Variants in PLPP1 observed in about 807,000 individuals in gnomAD.
The protein encoded by PLPP1 is phospholipid phosphatase 1.
A neutral mutation model predicts 31.2 loss-of-function variants in PLPP1; 24 were observed. The observed-to-expected ratio is 0.77, with a 90% confidence interval of 0.56 to 1.08. The LOEUF is 1.08. Ranked by LOEUF, PLPP1 falls within the 50% of genes least tolerant of loss-of-function variation. The pLI, the probability that PLPP1 is intolerant of heterozygous loss-of-function variation, is 0.00. For synonymous variants in PLPP1, 146 were observed against 126.3 expected (o/e 1.16, Z -1.05); for missense variants, 319 against 342.7 (o/e 0.93, Z 0.55).
chr5:55,438,515 C>T (rs1053380553), intron 4 of PLPP1, among the ~76,000 whole-genome samples: 1 of 152,172 alleles, frequency 6.6e-6, no homozygotes, highest in Non-Finnish European at 1.5e-5. Context: ...TACGTCTCTA[C>T]CCAAATCTGA....
At chr5:55,456,992 T>C (rs1158480093) in intron 3 of PLPP1, among the ~76,000 whole-genome samples, 1 of 151,914 alleles carries the variant, frequency 6.6e-6, no homozygotes, top group Non-Finnish European at 1.5e-5. Context: ...AAACCCCGTC[T>C]CTACTACAAA....
At chr5:55,526,259 G>C (rs1247543723) in intron 1 of PLPP1, among the ~76,000 whole-genome samples, 2 of 152,138 alleles carry the variant, frequency 1.3e-5, no homozygotes, top group Non-Finnish European at 2.9e-5. Context: ...TCCAAAGGAT[G>C]TAATTCAAAG....
chr5:55,530,893 A>G (rs113060814), intron 1 of PLPP1, among the ~76,000 whole-genome samples: 2,838 of 152,314 alleles, frequency 0.019, 43 homozygotes, highest in Non-Finnish European at 0.031. Flanking sequence ...TGGGGGAACA[A>G]GGCGATGGTG....
chr5:55,443,192 A>AATATATATATATATATATATATATAT (rs1159178740), intron 3 of PLPP1, among the ~76,000 whole-genome samples: 2 of 25,442 alleles, frequency 7.9e-5, no homozygotes, highest in Non-Finnish European at 1.7e-4. Flanking sequence ...AAAAAAAAAA[A>AATATATATATATATATATATATATAT]ATATATATAT....
intron 4 of PLPP1, 75 bp downstream of exon 4, chr5:55,441,776 G>A: frequency 6.9e-7 from 1 of 1,458,292 alleles, no homozygotes; most frequent in Non-Finnish European, 9.6e-7. Flanking sequence ...ATTAGGACAG[G>A]TGAGGACACT....
intron 1 of PLPP1, among the ~76,000 whole-genome samples, chr5:55,521,564 C>T (rs1351507734): frequency 2.0e-5 from 3 of 152,014 alleles, no homozygotes; most frequent in Non-Finnish European, 4.4e-5. Context: ...AAAATACCTG[C>T]CTATCTCACC....
chr5:55,437,596 G>T (rs986527773), intron 4 of PLPP1, among the ~76,000 whole-genome samples: 1 of 151,550 alleles, frequency 6.6e-6, no homozygotes, highest in Non-Finnish European at 1.5e-5. Context: ...ATATACCTTG[G>T]TCTACTTATT....
At position 55,425,880 on chromosome 5, in the gene PLPP1, G is replaced by C; in HGVS notation, c.709C>G (p.Leu237Val). The C allele has an allele frequency of 1.2e-6, 2 of 1,607,258 alleles. No homozygotes were observed. The highest frequency in any genetic ancestry group is 2.2e-5 in the East Asian group (1 of 44,768). ...ATACTTACAACTAATATTGCAACCA[G>C]AGCTCCCTGAATGAGTCCAGTCAAC... ...DVLTGLIQGA[L>V]VAILVAVYVS... is the part of the protein sequence containing the mutation. Residue 237 changes from leucine to valine, a missense_variant, in exon 5 of 6, where the codon CTG (leucine) becomes GTG (valine). By Grantham distance (32) the Leu-to-Val change is conservative. Transcript: ENST00000307259.
intron 4 of PLPP1, among the ~76,000 whole-genome samples, chr5:55,427,934 C>T (rs1244079549): frequency 6.6e-6 from 1 of 152,004 alleles, no homozygotes; most frequent in Non-Finnish European, 1.5e-5. Context: ...TACAGGCACT[C>T]ACCACCACTC....
intron 1 of PLPP1, among the ~76,000 whole-genome samples, chr5:55,512,725 C>CACATACACACAT (rs1753464021): frequency 6.6e-6 from 1 of 150,712 alleles, no homozygotes; most frequent in African/African-American, 2.4e-5. Flanking sequence ...TTATAAACTA[C>CACATACACACAT]ACACACACAC....
intron 1 of PLPP1, among the ~76,000 whole-genome samples, chr5:55,481,987 CATAT>C (rs1169756363): frequency 6.7e-6 from 1 of 148,950 alleles, no homozygotes; most frequent in Non-Finnish European, 1.5e-5. Flanking sequence ...GAGGGAAATA[CATAT>C]ATATATTTTT....
At chr5:55,479,922 GTTATT>G (rs1752636461) in intron 1 of PLPP1, among the ~76,000 whole-genome samples, 1 of 152,048 alleles carries the variant, frequency 6.6e-6, no homozygotes, top group Non-Finnish European at 1.5e-5. Flanking sequence ...TGCATTTCTA[GTTATT>G]TCCTTAAGAT....
At chr5:55,443,192 A>AAAAAATATATAT in intron 3 of PLPP1, among the ~76,000 whole-genome samples, 35 of 25,426 alleles carry the variant, frequency 1.4e-3, no homozygotes, top group East Asian at 3.8e-3. Flanking sequence ...AAAAAAAAAA[A>AAAAAATATATAT]ATATATATAT....
chr5:55,448,352 A>C (rs1466393195), intron 3 of PLPP1, among the ~76,000 whole-genome samples: 1 of 151,952 alleles, frequency 6.6e-6, no homozygotes, highest in Non-Finnish European at 1.5e-5. Flanking sequence ...GTATTATGTG[A>C]CCCAGTAATT....
chr5:55,530,961 T>TGACGGCCCCTCGGC (rs767221313), intron 1 of PLPP1, among the ~76,000 whole-genome samples: 1 of 152,206 alleles, frequency 6.6e-6, no homozygotes, highest in Non-Finnish European at 1.5e-5. Context: ...GAGGTGACGG[T>TGACGGCCCCTCGGC]GACGGCCCGG....
intron 4 of PLPP1, among the ~76,000 whole-genome samples, chr5:55,440,231 C>CA (rs1751591446): frequency 6.6e-6 from 1 of 152,116 alleles, no homozygotes. Context: ...GCTAGTGAGA[C>CA]AAAAGCTAGA....
At chr5:55,501,626 T>G (rs751314742) in intron 1 of PLPP1, among the ~76,000 whole-genome samples, 1 of 152,118 alleles carries the variant, frequency 6.6e-6, no homozygotes, top group Non-Finnish European at 1.5e-5. Context: ...TGCCTCAGCC[T>G]CCTGAGGAGC....
At chr5:55,441,115 C>G (rs1159312973) in intron 4 of PLPP1, among the ~76,000 whole-genome samples, 1 of 152,110 alleles carries the variant, frequency 6.6e-6, no homozygotes, top group Non-Finnish European at 1.5e-5. Flanking sequence ...GTAAAATTGA[C>G]CTTTAAAAAT....
chr5:55,516,429 A>C (rs1753556316), intron 1 of PLPP1, among the ~76,000 whole-genome samples: 1 of 152,144 alleles, frequency 6.6e-6, no homozygotes, highest in African/African-American at 2.4e-5. Context: ...TCTCCTTCAC[A>C]ATACTTATTG....
Sources: allele counts gnomAD v4.1 joint callset (sites outside exome capture counted in the v4.1 genomes callset), GRCh38; gene constraint gnomAD v4.1.1; transcripts MANE v1.5; gene names NCBI Gene and HGNC (gene_info 2026-07-23, HGNC 2026-07-21).